Variants in ADGRL2 observed in about 807,000 individuals in gnomAD.
ADGRL2 encodes the protein adhesion G protein-coupled receptor L2, also known as calcium-independent alpha-latrotoxin receptor 2.
ADGRL2 carries 44 observed loss-of-function variants against 157.4 expected under a neutral mutation model. The ratio of observed to expected loss-of-function variants is 0.28; its 90% CI spans 0.22 to 0.36. The LOEUF is 0.36. Ranked by LOEUF, ADGRL2 falls within the 10% of genes least tolerant of loss-of-function variation. The pLI is 1.00. For missense variants in ADGRL2, 1,510 were observed against 1,768.9 expected, an observed-to-expected ratio of 0.85 and a Z score of 2.63; for synonymous variants, 585 against 624.7, an observed-to-expected ratio of 0.94 and a Z score of 0.95.
At chr1:81,677,524 T>A (rs529677983) in intron 3 of ADGRL2, among the ~76,000 whole-genome samples, 1 of 152,324 alleles carries the variant, frequency 6.6e-6, no homozygotes, top group South Asian at 2.1e-4. Flanking sequence ...ATATTTTCCC[T>A]TAGAAGCATC....
At chr1:81,429,218 C>A (rs964033529) in intron 1 of ADGRL2, among the ~76,000 whole-genome samples, 3 of 151,688 alleles carry the variant, frequency 2.0e-5, no homozygotes, top group African/African-American at 7.3e-5. Flanking sequence ...TTCCCACTTC[C>A]TGGTTAATAA....
intron 2 of ADGRL2, among the ~76,000 whole-genome samples, chr1:81,880,314 A>G (rs1213841248): frequency 6.6e-6 from 1 of 152,162 alleles, no homozygotes; most frequent in Non-Finnish European, 1.5e-5. Flanking sequence ...AATATATGAG[A>G]CAGCCTTTTC....
At chr1:81,886,381 A>C (rs899382345) in intron 2 of ADGRL2, among the ~76,000 whole-genome samples, 3 of 152,168 alleles carry the variant, frequency 2.0e-5, no homozygotes, top group African/African-American at 7.2e-5. Context: ...CATGTTGGCC[A>C]GGAAAGTTTC....
At chr1:81,332,898 T>TC (rs890041417) in intron 1 of ADGRL2, among the ~76,000 whole-genome samples, 1 of 152,202 alleles carries the variant, frequency 6.6e-6, no homozygotes, top group Non-Finnish European at 1.5e-5. Context: ...TTTTATTTTT[T>TC]CCCCTTGGAC....
upstream of ADGRL2, chr1:81,800,421 C>T (rs538631131): frequency 6.6e-6 from 1 of 152,272 alleles, no homozygotes; most frequent in East Asian, 1.9e-4. Context: ...TCTTTCTCCT[C>T]CATGCAGTTA....
intron 3 of ADGRL2, among the ~76,000 whole-genome samples, chr1:81,600,787 C>A (rs899283093): frequency 2.6e-5 from 4 of 152,152 alleles, no homozygotes; most frequent in Non-Finnish European, 4.4e-5. Flanking sequence ...GAGGACCACA[C>A]TTTAGATCAC....
chr1:81,676,580 C>T (rs1018309629), intron 3 of ADGRL2, among the ~76,000 whole-genome samples: 8 of 152,056 alleles, frequency 5.3e-5, no homozygotes, highest in South Asian at 2.1e-4. Context: ...GTATTACAGG[C>T]GTGAGCCACC....
chr1:81,803,672 G>A (rs776613778), intron 1 of ADGRL2, among the ~76,000 whole-genome samples: 4 of 152,146 alleles, frequency 2.6e-5, no homozygotes, highest in Non-Finnish European at 5.9e-5. Context: ...CTTCTCCCAA[G>A]CAGCCTGGGA....
At chr1:81,340,720 A>G (rs1268966833) in intron 1 of ADGRL2, among the ~76,000 whole-genome samples, 1 of 152,172 alleles carries the variant, frequency 6.6e-6, no homozygotes, top group African/African-American at 2.4e-5. Context: ...TGGTTTTCTC[A>G]GTGGTGTTTT....
intron 2 of ADGRL2, among the ~76,000 whole-genome samples, chr1:81,451,766 A>G (rs925281906): frequency 6.6e-6 from 1 of 152,324 alleles, no homozygotes; most frequent in African/African-American, 2.4e-5. Context: ...ACAACTCTTG[A>G]ATAATTCTTC....
At chr1:81,800,869 G>T (rs1395866558), upstream of ADGRL2, among the ~76,000 whole-genome samples, 1 of 149,686 alleles carries the variant, frequency 6.7e-6, no homozygotes, top group East Asian at 2.0e-4. Flanking sequence ...AGCGCGAACC[G>T]ACTGGGAGGG....
chr1:81,872,796 T>A lies in ADGRL2; in HGVS notation c.74-34221T>A, dbSNP rs188557790. ...TTTAAGGACTAATACATAAACAATA[T>A]AATCATGATTTTCCTATTGTGATGG... On this transcript the variant is annotated intron_variant, in intron 2 of 23. Coordinates refer to ENST00000686636, the MANE Select transcript of ADGRL2 (RefSeq NM_001366006.2). 2.9e-3 allele frequency among the ~76,000 whole-genome samples: 447 copies of A among 152,242 alleles called. 1 individual carries two copies. Among genetic ancestry groups the A allele is most frequent in the African/African-American group, 0.01 (432 of 41,546 alleles).
rs114526334 is a variant in ADGRL2, at chr1:81,427,010, A to G, written c.-301-18026A>G. 936 of 995,870 alleles carry G rather than the reference A, an allele frequency of 9.4e-4. 7 individuals carry two copies. The African/African-American group carries it at 0.014, about 14-fold the overall frequency. The allele number at this position is 995,870 out of a possible 1,614,324, so 61.7% of individuals were successfully genotyped here. On this transcript the variant is annotated intron_variant, in intron 1 of 24. Coordinates refer to the ADGRL2 transcript ENST00000370721. ...TACAGTTGATAACATTGTTATTCAG[A>G]AATACCACAGTTGATAACATTGTTA...
At chr1:81,944,931 A>G (rs1240910561) in intron 6 of ADGRL2, among the ~76,000 whole-genome samples, 5 of 152,006 alleles carry the variant, frequency 3.3e-5, no homozygotes, top group Non-Finnish European at 7.4e-5. Context: ...TGGAATTTCT[A>G]ATTTGAGTCA....
intron 23 of ADGRL2, among the ~76,000 whole-genome samples, chr1:81,989,206 C>G (rs1664047165): frequency 6.6e-6 from 1 of 152,176 alleles, no homozygotes; most frequent in Non-Finnish European, 1.5e-5. Flanking sequence ...CTTCAGCAGA[C>G]TTATCCAGTC....
At chr1:81,892,724 T>C (rs1447032706) in intron 2 of ADGRL2, among the ~76,000 whole-genome samples, 2 of 152,176 alleles carry the variant, frequency 1.3e-5, no homozygotes, top group African/African-American at 2.4e-5. Flanking sequence ...ATCCAACACA[T>C]TTATTGACAA....
chr1:81,488,228 C>T (rs2078551483), intron 2 of ADGRL2, among the ~76,000 whole-genome samples: 2 of 152,058 alleles, frequency 1.3e-5, no homozygotes, highest in African/African-American at 4.8e-5. Flanking sequence ...GGGAAAAAAG[C>T]AGGTTCAGAA....
chr1:81,546,403 T>C (rs890683830), intron 2 of ADGRL2, among the ~76,000 whole-genome samples: 1 of 152,174 alleles, frequency 6.6e-6, no homozygotes, highest in Non-Finnish European at 1.5e-5. Context: ...GATAGTTAAT[T>C]TGGATCTAAA....
intron 1 of ADGRL2, among the ~76,000 whole-genome samples, chr1:81,321,180 A>G (rs1444035395): frequency 1.3e-5 from 2 of 152,184 alleles, no homozygotes; most frequent in East Asian, 1.9e-4. Flanking sequence ...CTGAAGCTTT[A>G]TAAAATTGAA....
Sources: allele counts gnomAD v4.1 joint callset (sites outside exome capture counted in the v4.1 genomes callset), GRCh38; gene constraint gnomAD v4.1.1; transcripts MANE v1.5; gene names NCBI Gene and HGNC (gene_info 2026-07-23, HGNC 2026-07-21).